PTGR2: variants seen among roughly 807,000 people sequenced by gnomAD.
PTGR2 encodes prostaglandin reductase 2, also known as 15-oxoprostaglandin 13-reductase.
Under a neutral mutation model 43.4 loss-of-function variants are expected in PTGR2, and 32 were observed. The observed-to-expected ratio is 0.74, with a 90% CI of 0.56 to 0.99. The LOEUF (loss-of-function observed/expected upper bound fraction) is 0.99. PTGR2 is among the 50% of genes least tolerant of loss of function. The pLI is 0.00. For synonymous variants in PTGR2, 106 were observed against 139.2 expected, an observed-to-expected ratio of 0.76 and a Z score of 1.68; for missense variants, 373 against 420.0, an observed-to-expected ratio of 0.89 and a Z score of 0.98.
At chr14:73,881,161 C>T (rs1360781960) in intron 7 of PTGR2, 44 bp from the exon 8 acceptor site, 1 of 1,159,246 alleles carries the variant, frequency 8.6e-7, no homozygotes, top group African/African-American at 1.5e-5. Context: ...GAATACCACT[C>T]CCGTTATATT....
chr14:73,881,124 T>C, intron 7 of PTGR2, 81 bp from the exon 8 acceptor site: 6 of 830,956 alleles, frequency 7.2e-6, no homozygotes, highest in South Asian at 1.4e-5. Context: ...TTAACAGATA[T>C]TAGAATTCTG....
chr14:73,871,075 G>A (rs1344695428), intron 3 of PTGR2, among the ~76,000 whole-genome samples: 1 of 152,188 alleles, frequency 6.6e-6, no homozygotes, highest in Non-Finnish European at 1.5e-5. Context: ...TATGATCAGA[G>A]GGTTGGAACT....
In PTGR2 at chr14:73,858,801, T is replaced by A; in HGVS notation, c.-47-15T>A. ...TACTTCAAATCTTGTGATTTAAAAA[T>A]TTTTTTATTTATAGGAGTATTTTAT... On this transcript the variant is annotated splice_polypyrimidine_tract_variant and intron_variant, in intron 1 of 9. Coordinates refer to ENST00000555661, the MANE Select transcript of PTGR2 (RefSeq NM_001146154.2). 2 of 1,335,310 alleles carry A rather than the reference T, an allele frequency of 1.5e-6. No individual in the cohort carries two copies. Among genetic ancestry groups the A allele is most frequent in the Non-Finnish European group, 2.1e-6 (2 of 961,614 alleles). The allele number at this position is 1,335,310 out of a possible 1,614,324, so 82.7% of individuals were successfully genotyped here. A position where few individuals can be genotyped will look rare whatever the true frequency, so the allele number is the denominator to read the frequency against.
intron 8 of PTGR2, among the ~76,000 whole-genome samples, chr14:73,881,969 G>A (rs2055001532): frequency 2.6e-5 from 4 of 151,898 alleles, no homozygotes; most frequent in Admixed American, 6.6e-5. Context: ...TTTTAGTAGA[G>A]ATGGGGTTTC....
chr14:73,879,164 G>C lies in PTGR2; in HGVS notation c.588G>C (p.Leu196Phe), dbSNP rs2054925951. 6.2e-7 allele frequency: 1 copy of C among 1,614,016 alleles called. No homozygotes were observed. The highest frequency in any genetic ancestry group is 8.5e-7 in the Non-Finnish European group (1 of 1,180,016). The stretch of plus-strand genomic sequence containing the variant: ...GAACACATGAGAAATGCATCCTCTT[G>C]ACCTCAGAACTGGGCTTTGATGCTG... ...ICGTHEKCIL[L>F]TSELGFDAAI... The change falls in exon 6 of 10, where the codon TTG becomes TTC. Residue 196 changes from leucine to phenylalanine, a missense_variant. Transcript: ENST00000555661.
intron 3 of PTGR2, among the ~76,000 whole-genome samples, chr14:73,864,300 A>G (rs978057944): frequency 1.6e-4 from 25 of 152,212 alleles, no homozygotes; most frequent in African/African-American, 5.8e-4. Flanking sequence ...TCTCTTGGGT[A>G]TATACATAAG....
chr14:73,876,963 C>A lies in PTGR2; in HGVS notation c.349-35C>A, dbSNP rs559235026. The A allele has an allele frequency of 2.6e-6, 4 of 1,524,782 alleles. No individual in the cohort carries two copies. In the East Asian group the frequency reaches 9.0e-5, roughly 34 times the overall value. The allele number at this position is 1,524,782 out of a possible 1,614,324, so 94.5% of individuals were successfully genotyped here. A position where few individuals can be genotyped will look rare whatever the true frequency, so the allele number is the denominator to read the frequency against. ...ACTTTGTTGTCTCAAAACAGGAATT[C>A]CTAGTATTTTTAAAGGGTATATATT... On this transcript the variant is annotated intron_variant, in intron 4 of 9. Coordinates refer to ENST00000555661, the MANE Select transcript of PTGR2 (RefSeq NM_001146154.2).
At chr14:73,852,562 C>A (rs2054254658) in intron 1 of PTGR2, among the ~76,000 whole-genome samples, 1 of 152,102 alleles carries the variant, frequency 6.6e-6, no homozygotes, top group African/African-American at 2.4e-5. Flanking sequence ...GGATTCACAT[C>A]ATTGAACAAA....
intron 9 of PTGR2, 152 bp from the exon 10 acceptor site, chr14:73,883,949 T>C (rs2055065855): frequency 1.6e-6 from 1 of 616,130 alleles, no homozygotes; most frequent in Non-Finnish European, 2.8e-6. Flanking sequence ...AACTTTTTAC[T>C]TGAGATTTCT....
chr14:73,854,456 C>T (rs1197178116), intron 1 of PTGR2, among the ~76,000 whole-genome samples: 1 of 152,118 alleles, frequency 6.6e-6, no homozygotes, highest in East Asian at 1.9e-4. Flanking sequence ...GGATATCACA[C>T]AATTATCCTA....
chr14:73,854,203 A>G (rs891754123), intron 1 of PTGR2, among the ~76,000 whole-genome samples: 39 of 152,052 alleles, frequency 2.6e-4, no homozygotes, highest in African/African-American at 9.2e-4. Context: ...CCCAGGTTCA[A>G]GTGATTCTCC....
At position 73,879,192 on chromosome 14, in the gene PTGR2, A is replaced by C. The variant is rs761006775; in HGVS notation, c.616A>C (p.Ile206Leu). 1 of 1,613,970 alleles carries C rather than the reference A, an allele frequency of 6.2e-7. No homozygotes were observed. Among genetic ancestry groups the C allele is most frequent in the Non-Finnish European group, 8.5e-7 (1 of 1,179,968 alleles). The change falls in exon 6 of 10, where the codon ATT becomes CTT. Residue 206 changes from isoleucine (I) to leucine (L), a missense_variant. By Grantham distance (5) the Ile-to-Leu change is conservative (BLOSUM62 2). Coordinates refer to ENST00000555661, the MANE Select transcript of PTGR2 (RefSeq NM_001146154.2). ...LTSELGFDAAINYKKDNVAEQ... is the reference protein window; with the variant it reads ...LTSELGFDAALNYKKDNVAEQ... ...CTCAGAACTGGGCTTTGATGCTGCA[A>C]TTAATTATAAAAAAGACAATGTGGC...
chr14:73,855,262 A>T (rs1440654654), intron 1 of PTGR2, among the ~76,000 whole-genome samples: 4 of 152,182 alleles, frequency 2.6e-5, no homozygotes, highest in Non-Finnish European at 4.4e-5. Context: ...TACTACTATT[A>T]GGTGTAATAA....
At chr14:73,852,364 C>G (rs762066889) in intron 1 of PTGR2, among the ~76,000 whole-genome samples, 13 of 152,066 alleles carry the variant, frequency 8.5e-5, no homozygotes, top group Admixed American at 3.3e-4. Context: ...CGGGTTCAAG[C>G]GATTCTCCTG....
At chr14:73,880,325 C>A in intron 7 of PTGR2, 149 bp downstream of exon 7, 1 of 901,562 alleles carries the variant, frequency 1.1e-6, no homozygotes, top group East Asian at 2.9e-5. Context: ...GTAATCCTAG[C>A]ACTTTGGGAT....
intron 8 of PTGR2, among the ~76,000 whole-genome samples, chr14:73,882,036 C>G (rs1178090166): frequency 1.3e-5 from 2 of 151,804 alleles, no homozygotes; most frequent in Non-Finnish European, 2.9e-5. Flanking sequence ...GCCCATCCAG[C>G]CTCCCAAAGT....
At chr14:73,852,726 A>G (rs1464900368) in intron 1 of PTGR2, among the ~76,000 whole-genome samples, 1 of 152,322 alleles carries the variant, frequency 6.6e-6, no homozygotes, top group South Asian at 2.1e-4. Context: ...GAAGAGCAAG[A>G]TAGGAATCTC....
At chr14:73,883,374 T>A (rs1389028270) in intron 9 of PTGR2, among the ~76,000 whole-genome samples, 12 of 137,336 alleles carry the variant, frequency 8.7e-5, no homozygotes, top group African/African-American at 7.9e-5. Flanking sequence ...TTTTTTTTTT[T>A]AATTTTCCAT....
chr14:73,883,948 C>T (rs1302760656), intron 9 of PTGR2, among the ~76,000 whole-genome samples, 153 bp from the exon 10 acceptor site: 3 of 152,104 alleles, frequency 2.0e-5, no homozygotes, highest in African/African-American at 7.2e-5. Flanking sequence ...TAACTTTTTA[C>T]TTGAGATTTC....
Sources: allele counts gnomAD v4.1 joint callset (sites outside exome capture counted in the v4.1 genomes callset), GRCh38; gene constraint gnomAD v4.1.1; transcripts MANE v1.5; gene names NCBI Gene and HGNC (gene_info 2026-07-23, HGNC 2026-07-21).